The following GRIP1 variants were observed in gnomAD, a reference collection of about 807,000 sequenced individuals.
GRIP1 encodes the protein glutamate receptor interacting protein 1, also known as glutamate receptor-interacting protein 1.
A neutral mutation model predicts 129.9 loss-of-function variants in GRIP1; 45 were observed. That is an observed-to-expected ratio of 0.35 (90% CI 0.27 to 0.44). The LOEUF (loss-of-function observed/expected upper bound fraction) is 0.44, where lower values mean the gene tolerates loss of function less well. Ranked by LOEUF, GRIP1 falls within the 20% of genes least tolerant of loss-of-function variation. The pLI is 1.00. For synonymous variants in GRIP1, 530 were observed against 520.8 expected (o/e 1.02, Z -0.24); for missense variants, 1,196 against 1,396.8 (o/e 0.86, Z 2.29).
At chr12:66,401,035 C>CACT (rs556858164) in intron 16 of GRIP1, among the ~76,000 whole-genome samples, 164 of 152,316 alleles carry the variant, frequency 1.1e-3, no homozygotes, top group African/African-American at 3.8e-3. Context: ...AACCACTGGA[C>CACT]ACTACCTGAG....
rs528570965 is a variant in GRIP1 at position 66,402,600 on chromosome 12, CAG to C, written c.1984+3681_1984+3682del. ...AGTATAGTTATAAACTTCCTGTGAC[CAG>C]AGAGAGAATCATCACTGAAGGATGG... On this transcript the variant is annotated intron_variant, in intron 16 of 24. Transcript: ENST00000359742. Among the ~76,000 whole-genome samples the C allele has an allele frequency of 3.3e-5, 5 of 152,226 alleles. No homozygotes were observed. The East Asian group carries it at 9.7e-4, about 29-fold the overall frequency.
intron 15 of GRIP1, among the ~76,000 whole-genome samples, chr12:66,415,534 C>T (rs755177974): frequency 3.9e-5 from 6 of 152,008 alleles, no homozygotes; most frequent in Non-Finnish European, 8.8e-5. Context: ...GATATAGAAG[C>T]AGAAATACCA....
At chr12:66,587,402 C>T (rs944943229) in intron 2 of GRIP1, among the ~76,000 whole-genome samples, 5 of 152,364 alleles carry the variant, frequency 3.3e-5, no homozygotes, top group Admixed American at 2.0e-4. Flanking sequence ...TGCTCCCACA[C>T]TCTCTACTGT....
chr12:66,815,290 G>T (rs1041508527), intron 1 of GRIP1, among the ~76,000 whole-genome samples: 2 of 152,076 alleles, frequency 1.3e-5, no homozygotes, highest in African/African-American at 2.4e-5. Flanking sequence ...CTGGGGAAGA[G>T]TTTTTTCCAA....
chr12:66,532,042 C>G (rs146177080), intron 4 of GRIP1, among the ~76,000 whole-genome samples: 132 of 152,246 alleles, frequency 8.7e-4, no homozygotes, highest in African/African-American at 3.0e-3. Context: ...CTAAATCTTG[C>G]TGACTATAAA....
At chr12:66,771,935 G>C (rs2037831598) in intron 1 of GRIP1, among the ~76,000 whole-genome samples, 1 of 152,128 alleles carries the variant, frequency 6.6e-6, no homozygotes, top group Non-Finnish European at 1.5e-5. Context: ...ACATACAAAT[G>C]GTTCATAAAA....
chr12:66,416,771 C>A (rs1463020856), intron 15 of GRIP1, among the ~76,000 whole-genome samples: 2 of 152,054 alleles, frequency 1.3e-5, no homozygotes, highest in Non-Finnish European at 2.9e-5. Flanking sequence ...AATAAAAAGT[C>A]TCCAAGTAAG....
At chr12:66,481,448 A>G (rs183806865) in intron 7 of GRIP1, among the ~76,000 whole-genome samples, 3 of 152,324 alleles carry the variant, frequency 2.0e-5, no homozygotes, top group Admixed American at 6.5e-5. Flanking sequence ...TTAGGAAACA[A>G]CAGATGCTGG....
At chr12:66,866,896 T>G (rs751912779) in intron 1 of GRIP1, among the ~76,000 whole-genome samples, 28 of 152,232 alleles carry the variant, frequency 1.8e-4, no homozygotes, top group Admixed American at 1.1e-3. Flanking sequence ...GTATATATAC[T>G]TCAGAATATC....
At chr12:66,489,464 A>C (rs917309061) in intron 7 of GRIP1, among the ~76,000 whole-genome samples, 1 of 152,126 alleles carries the variant, frequency 6.6e-6, no homozygotes, top group Admixed American at 6.6e-5. Flanking sequence ...AAGAATATAC[A>C]TCAAAATAAT....
intron 24 of GRIP1, 58 bp from the exon 25 acceptor site, chr12:66,349,304 C>T (rs1410106802): frequency 4.4e-6 from 6 of 1,376,888 alleles, no homozygotes; most frequent in East Asian, 4.6e-5. Context: ...TCCCAAAACC[C>T]GGAGTAACAT....
chr12:66,722,407 C>T (rs2036085375), intron 1 of GRIP1, among the ~76,000 whole-genome samples: 1 of 152,134 alleles, frequency 6.6e-6, no homozygotes, highest in African/African-American at 2.4e-5. Context: ...TCAGAACACA[C>T]ACAACATTGA....
intron 1 of GRIP1, among the ~76,000 whole-genome samples, chr12:67,056,031 G>A (rs1256615709): frequency 6.6e-6 from 1 of 152,146 alleles, no homozygotes; most frequent in Admixed American, 6.5e-5. Context: ...AATGGAAGGG[G>A]CTGAGGATAT....
At chr12:66,888,564 T>C (rs549232002) in intron 1 of GRIP1, among the ~76,000 whole-genome samples, 3 of 152,182 alleles carry the variant, frequency 2.0e-5, no homozygotes, top group Non-Finnish European at 4.4e-5. Flanking sequence ...TGTTTTGCCA[T>C]GTTGGCCAGG....
chr12:66,455,262 C>G, intron 11 of GRIP1, 147 bp downstream of exon 11: 1 of 781,002 alleles, frequency 1.3e-6, no homozygotes, highest in African/African-American at 1.7e-5. Flanking sequence ...TGTCAACGGT[C>G]TTTGGCACAG....
At chr12:66,821,478 T>C (rs191110631) in intron 1 of GRIP1, among the ~76,000 whole-genome samples, 121 of 152,318 alleles carry the variant, frequency 7.9e-4, no homozygotes, top group African/African-American at 2.7e-3. Flanking sequence ...TGCTTTGTGA[T>C]GTAAGAAATA....
At chr12:66,922,331 C>A (rs2041226855) in intron 1 of GRIP1, among the ~76,000 whole-genome samples, 1 of 152,170 alleles carries the variant, frequency 6.6e-6, no homozygotes, top group Non-Finnish European at 1.5e-5. Flanking sequence ...TTGCCCTTCA[C>A]CCACCTTCTA....
intron 1 of GRIP1, among the ~76,000 whole-genome samples, chr12:66,895,906 GC>G (rs147764094): frequency 0.015 from 2,260 of 152,194 alleles, 44 homozygotes; most frequent in Non-Finnish European, 0.021. Context: ...AATGACTATG[GC>G]CACTTCTTAT....
chr12:66,490,944 A>G (rs2060088913), intron 7 of GRIP1, among the ~76,000 whole-genome samples: 1 of 152,196 alleles, frequency 6.6e-6, no homozygotes, highest in Admixed American at 6.5e-5. Context: ...GGCGATTATT[A>G]AAAAGTCAAG....
Sources: gnomAD v4.1 joint callset for allele counts (sites outside exome capture counted in the v4.1 genomes callset) on GRCh38, gnomAD v4.1.1 for gene constraint, MANE v1.5 for transcripts, NCBI Gene and HGNC (gene_info 2026-07-23, HGNC 2026-07-21) for gene names.